SLC4A4: variants seen among roughly 807,000 people sequenced by gnomAD.
SLC4A4 encodes the protein solute carrier family 4 member 4, also known as electrogenic sodium bicarbonate cotransporter 1.
In SLC4A4, 27 loss-of-function variants were observed where a neutral mutation model predicts 111.5. The ratio of observed to expected loss-of-function variants is 0.24; its 90% CI spans 0.18 to 0.33. SLC4A4 has a LOEUF of 0.33. Ranked by LOEUF, SLC4A4 falls within the 10% of genes least tolerant of loss-of-function variation. The pLI is 1.00. For missense variants in SLC4A4, 909 were observed against 1,315.5 expected, an observed-to-expected ratio of 0.69 and a Z score of 4.78; for synonymous variants, 443 against 463.4, an observed-to-expected ratio of 0.96 and a Z score of 0.57.
intron 2 of SLC4A4, among the ~76,000 whole-genome samples, chr4:71,146,521 T>A (rs898483790): frequency 2.1e-4 from 32 of 152,298 alleles, no homozygotes; most frequent in African/African-American, 7.7e-4. Context: ...TTCTGTCTCG[T>A]TCACCTGTCT....
intron 3 of SLC4A4, among the ~76,000 whole-genome samples, chr4:71,336,069 A>T (rs888436104): frequency 1.3e-5 from 2 of 152,228 alleles, no homozygotes; most frequent in African/African-American, 4.8e-5. Context: ...GGCTGAAGAT[A>T]AAGCCTGTTA....
chr4:71,213,367 A>G (rs749454801), intron 1 of SLC4A4, among the ~76,000 whole-genome samples: 4 of 152,194 alleles, frequency 2.6e-5, no homozygotes, highest in Admixed American at 6.5e-5. Context: ...GGTAAAGCAG[A>G]CATAGAGAAG....
At chr4:71,231,283 T>TTGGCAGTTGGCA (rs1250516698) in intron 1 of SLC4A4, among the ~76,000 whole-genome samples, 2 of 152,144 alleles carry the variant, frequency 1.3e-5, no homozygotes, top group Non-Finnish European at 2.9e-5. Context: ...GGTGAGCACG[T>TTGGCAGTTGGCA]TGGCAGTTGG....
rs988648117 is a variant in SLC4A4, at chr4:71,255,104, A to T, written c.74-116A>T. 3 of 1,036,468 alleles carry T rather than the reference A, an allele frequency of 2.9e-6. No homozygotes were observed. In the African/African-American group the frequency reaches 4.7e-5, roughly 16 times the overall value. The allele number at this position is 1,036,468 out of a possible 1,614,324, so 64.2% of individuals were successfully genotyped here. A position where few individuals can be genotyped will look rare whatever the true frequency, so the allele number is the denominator to read the frequency against. ...TTTATTTTTCTAGAGTTTGCCAAAT[A>T]TAGAATGGTAACGTTGAATTTATAG... is the stretch of plus-strand genomic sequence containing the variant. On this transcript the variant is annotated intron_variant, in intron 2 of 25. Transcript: ENST00000264485.
intron 2 of SLC4A4, among the ~76,000 whole-genome samples, chr4:71,169,190 T>C (rs113180539): frequency 0.015 from 2,311 of 150,998 alleles, 59 homozygotes; most frequent in South Asian, 0.049. Flanking sequence ...TTTTTTTTTT[T>C]AATTTAGTAG....
chr4:71,188,610 C>T (rs1745597476), intron 1 of SLC4A4, among the ~76,000 whole-genome samples: 1 of 151,884 alleles, frequency 6.6e-6, no homozygotes. Context: ...TGTAATACTA[C>T]CTGAATTAAA....
intron 1 of SLC4A4, among the ~76,000 whole-genome samples, chr4:71,188,952 T>C (rs1329326111): frequency 6.6e-6 from 1 of 152,120 alleles, no homozygotes; most frequent in African/African-American, 2.4e-5. Flanking sequence ...GTCTTTGTGG[T>C]AGATCTTGAA....
At chr4:71,543,151 G>C (rs1322144101) in intron 18 of SLC4A4, among the ~76,000 whole-genome samples, 2 of 152,118 alleles carry the variant, frequency 1.3e-5, no homozygotes, top group African/African-American at 4.8e-5. Context: ...TAAAATGTTA[G>C]CAAGAATTAG....
rs867287814 is a variant in SLC4A4, at chr4:71,451,218, T to A, written c.1239T>A (p.Val413=). 30 of 1,612,046 alleles carry A rather than the reference T, an allele frequency of 1.9e-5. No individual in the cohort carries two copies. In the Middle Eastern group the frequency reaches 3.5e-3, roughly 186 times the overall value. The part of the protein sequence containing the change: ...RKNMYSGGEN[V]QMNGDTPHDG... ...ATATGTACTCAGGTGGAGAGAATGT[T>A]CAGATGAATGGGGATACGCCCCATG... The change falls in exon 11 of 26, where the codon GTT becomes GTA. Residue 413 remains valine, a synonymous_variant. Transcript: ENST00000264485.
intron 16 of SLC4A4, among the ~76,000 whole-genome samples, chr4:71,498,199 C>T (rs370890198): frequency 4.6e-5 from 7 of 152,040 alleles, no homozygotes; most frequent in African/African-American, 9.7e-5. Flanking sequence ...CTTTCCTTCC[C>T]GTAATGATGA....
chr4:71,338,964 A>C, intron 3 of SLC4A4: 1 of 922,488 alleles, frequency 1.1e-6, no homozygotes, highest in Non-Finnish European at 1.5e-6. Flanking sequence ...GGATTGGGGT[A>C]CTTTGTTGTC....
chr4:71,101,038 T>C (rs182298916), intron 2 of SLC4A4, among the ~76,000 whole-genome samples: 1 of 152,284 alleles, frequency 6.6e-6, no homozygotes, highest in East Asian at 1.9e-4. Flanking sequence ...GGCAGGTGGA[T>C]CACGAGGTCA....
intron 12 of SLC4A4, among the ~76,000 whole-genome samples, chr4:71,457,060 G>T (rs908444863): frequency 6.6e-6 from 1 of 152,118 alleles, no homozygotes; most frequent in Non-Finnish European, 1.5e-5. Context: ...AATAGACATG[G>T]GTGCTGGGTA....
chr4:71,288,409 T>A (rs992266708), intron 3 of SLC4A4, among the ~76,000 whole-genome samples: 3 of 148,988 alleles, frequency 2.0e-5, no homozygotes, highest in Non-Finnish European at 4.5e-5. Context: ...GGTAGGGGAT[T>A]TTTTTTTTTT....
intron 7 of SLC4A4, among the ~76,000 whole-genome samples, chr4:71,398,486 G>A (rs989273785): frequency 6.6e-6 from 1 of 151,992 alleles, no homozygotes; most frequent in African/African-American, 2.4e-5. Flanking sequence ...TGTAAACTGG[G>A]CCATTTTTGC....
chr4:71,077,732 G>A (rs899439981), intron 1 of SLC4A4, among the ~76,000 whole-genome samples: 13 of 152,072 alleles, frequency 8.5e-5, no homozygotes, highest in Admixed American at 4.6e-4. Flanking sequence ...TGTAGCAGAC[G>A]GTTTTGTTTT....
intron 16 of SLC4A4, among the ~76,000 whole-genome samples, chr4:71,528,549 C>T (rs1733613351): frequency 6.6e-6 from 1 of 151,944 alleles, no homozygotes; most frequent in African/African-American, 2.4e-5. Context: ...AGGTAATTGG[C>T]ATCATATACC....
intron 7 of SLC4A4, among the ~76,000 whole-genome samples, chr4:71,408,693 T>TAG (rs1489215628): frequency 3.3e-5 from 5 of 152,256 alleles, no homozygotes; most frequent in African/African-American, 1.2e-4. Context: ...TTCCAAGTCT[T>TAG]ACCTTTACTT....
intron 22 of SLC4A4, among the ~76,000 whole-genome samples, chr4:71,559,170 T>C (rs1232676791): frequency 1.3e-5 from 2 of 151,914 alleles, no homozygotes; most frequent in Non-Finnish European, 2.9e-5. Context: ...AACTGTCATA[T>C]AGAGAGCACG....
Sources: allele counts gnomAD v4.1 joint callset (sites outside exome capture counted in the v4.1 genomes callset), GRCh38; gene constraint gnomAD v4.1.1; transcripts MANE v1.5; gene names NCBI Gene and HGNC (gene_info 2026-07-23, HGNC 2026-07-21).